NFIB: variants seen among roughly 807,000 people sequenced by gnomAD.
NFIB encodes nuclear factor 1 B-type.
A neutral mutation model predicts 61.5 loss-of-function variants in NFIB; 11 were observed. The ratio of observed to expected loss-of-function variants is 0.18; its 90% CI spans 0.11 to 0.30. The LOEUF (loss-of-function observed/expected upper bound fraction) is 0.30, where lower values mean the gene tolerates loss of function less well. NFIB is among the 10% of genes least tolerant of loss of function. The pLI is 1.00. For missense variants in NFIB, 471 were observed against 608.9 expected, an observed-to-expected ratio of 0.77 and a Z score of 2.38; for synonymous variants, 260 against 216.5, an observed-to-expected ratio of 1.20 and a Z score of -1.76.
At chr9:14,227,757 C>A (rs1408022045) in intron 2 of NFIB, among the ~76,000 whole-genome samples, 1 of 152,112 alleles carries the variant, frequency 6.6e-6, no homozygotes, top group East Asian at 1.9e-4. Context: ...ATCATCAACT[C>A]CATCTTACAA....
At chr9:14,498,784 TCCC>T in the NFIB span, among the ~76,000 whole-genome samples, 10 of 17,796 alleles carry the variant, frequency 5.6e-4, no homozygotes, top group African/African-American at 1.3e-3. Context: ...CCTCCCTCCC[TCCC>T]TCCCTCCCTC....
chr9:14,120,648 A>G lies in NFIB; in HGVS notation c.1061-24T>C, dbSNP rs1275222340. On this transcript the variant is annotated intron_variant, in intron 7 of 10. Coordinates refer to ENST00000380953, the MANE Select transcript of NFIB (RefSeq NM_001190737.2). This position sits in a 1 kb window ranked among gnomAD's most constrained non-coding sequence, Gnocchi z 4.4. ...GACTGCAGAAGACAGAAAAGGAAAG[A>G]TTGACTCATCAGCTGGTTACCTTAT... The G allele has an allele frequency of 1.3e-6, 2 of 1,570,412 alleles. No individual in the cohort carries two copies.
the NFIB span, among the ~76,000 whole-genome samples, chr9:14,471,783 T>A: frequency 6.6e-6 from 1 of 152,184 alleles, no homozygotes; most frequent in Non-Finnish European, 1.5e-5. Context: ...CGACAATCAG[T>A]CTTAGGGTGG....
At chr9:14,204,234 G>A (rs188085195) in intron 2 of NFIB, 16 of 574,310 alleles carry the variant, frequency 2.8e-5, no homozygotes, top group African/African-American at 7.5e-5. Flanking sequence ...TTTTCCCGCC[G>A]TCCACTGCCC....
intron 2 of NFIB, among the ~76,000 whole-genome samples, chr9:14,236,136 G>C: frequency 6.6e-6 from 1 of 152,088 alleles, no homozygotes. Context: ...ACAAAGACAT[G>C]TGTACGCATT....
chr9:14,269,159 C>T (rs887601956), intron 2 of NFIB, among the ~76,000 whole-genome samples: 4 of 152,108 alleles, frequency 2.6e-5, no homozygotes, highest in African/African-American at 4.8e-5. Flanking sequence ...TGTCCACAGA[C>T]TGAACTTTTA....
the NFIB span, among the ~76,000 whole-genome samples, chr9:14,509,960 A>T: frequency 6.6e-6 from 1 of 152,136 alleles, no homozygotes; most frequent in Non-Finnish European, 1.5e-5. Context: ...GCAATGGCGC[A>T]ATCTTGGCTC....
At chr9:14,185,519 G>A (rs1225204679) in intron 2 of NFIB, among the ~76,000 whole-genome samples, 3 of 151,998 alleles carry the variant, frequency 2.0e-5, no homozygotes, top group African/African-American at 7.2e-5. Context: ...TCTCCCTGAA[G>A]TCCCCCAGGG....
At chr9:14,466,837 A>C in the NFIB span, among the ~76,000 whole-genome samples, 6 of 152,222 alleles carry the variant, frequency 3.9e-5, no homozygotes, top group East Asian at 1.2e-3. Flanking sequence ...CAGATTTTGA[A>C]AACACCCAAA....
the NFIB span, among the ~76,000 whole-genome samples, chr9:14,488,733 A>AT: frequency 6.6e-6 from 1 of 152,192 alleles, no homozygotes; most frequent in Non-Finnish European, 1.5e-5. Context: ...CAACATTACT[A>AT]TTTTTATTAA....
At chr9:14,403,583 T>C (rs953880226), upstream of NFIB, among the ~76,000 whole-genome samples, 1 of 151,142 alleles carries the variant, frequency 6.6e-6, no homozygotes, top group Admixed American at 6.6e-5. Context: ...ATTGAACATA[T>C]AACTTTTTAA....
chr9:14,176,882 A>G (rs2046243708), intron 3 of NFIB, among the ~76,000 whole-genome samples: 2 of 152,178 alleles, frequency 1.3e-5, no homozygotes, highest in South Asian at 2.1e-4. Context: ...TCAAGTCAAC[A>G]GTGGGGAACA....
chr9:14,136,237 A>G (rs1453939556), intron 6 of NFIB, among the ~76,000 whole-genome samples: 1 of 152,224 alleles, frequency 6.6e-6, no homozygotes, highest in African/African-American at 2.4e-5. Context: ...CAGACAGACA[A>G]TGATAAAGGG....
chr9:14,149,546 G>C (rs1183186473), intron 5 of NFIB, among the ~76,000 whole-genome samples: 1 of 151,984 alleles, frequency 6.6e-6, no homozygotes, highest in East Asian at 1.9e-4. Flanking sequence ...TGTTAACAGA[G>C]AAGTAAAAAG....
intron 6 of NFIB, among the ~76,000 whole-genome samples, chr9:14,145,149 A>G (rs2042150061): frequency 3.3e-5 from 5 of 152,076 alleles, no homozygotes; most frequent in African/African-American, 1.2e-4. Context: ...CTCACAGTCA[A>G]AACTCTCCAG....
intron 1 of NFIB, among the ~76,000 whole-genome samples, chr9:14,376,517 CA>C (rs755179117): frequency 3.9e-5 from 5 of 128,430 alleles, no homozygotes; most frequent in African/African-American, 1.1e-4. Flanking sequence ...CTAAAAGTGT[CA>C]TTTTTTTTTT....
intron 8 of NFIB, among the ~76,000 whole-genome samples, chr9:14,117,254 T>C (rs998500259): frequency 4.6e-5 from 7 of 152,202 alleles, no homozygotes; most frequent in Admixed American, 3.9e-4. Context: ...TGGGCAATGA[T>C]AGAAAAGATG....
intron 1 of NFIB, among the ~76,000 whole-genome samples, chr9:14,312,948 G>T (rs777262105): frequency 6.6e-6 from 1 of 152,180 alleles, no homozygotes; most frequent in African/African-American, 2.4e-5. Flanking sequence ...CAAAGGAATG[G>T]GTCCCCGGAC....
chr9:14,508,749 A>G, the NFIB span, among the ~76,000 whole-genome samples: 1 of 152,236 alleles, frequency 6.6e-6, no homozygotes, highest in Non-Finnish European at 1.5e-5. Flanking sequence ...CTTGGACTCC[A>G]TAAACCAAAA....
Sources: gnomAD v4.1 joint callset for allele counts (sites outside exome capture counted in the v4.1 genomes callset) on GRCh38, gnomAD v4.1.1 for gene constraint, Gnocchi (gnomAD v3.1) non-coding constraint, MANE v1.5 for transcripts, NCBI Gene and HGNC (gene_info 2026-07-23, HGNC 2026-07-21) for gene names.